The following RTN1 variants were observed in gnomAD, a reference collection of about 807,000 sequenced individuals.
RTN1 encodes the protein reticulon 1, also known as reticulon-1.
RTN1 carries 25 observed loss-of-function variants against 65.5 expected under a neutral mutation model. The observed-to-expected ratio is 0.38, with a 90% CI of 0.28 to 0.53. The LOEUF is 0.53. Ranked by LOEUF, RTN1 falls within the 20% of genes least tolerant of loss-of-function variation. The pLI is 0.79. For synonymous variants in RTN1, 471 were observed against 447.6 expected (o/e 1.05, Z -0.66); for missense variants, 983 against 1,025.4 (o/e 0.96, Z 0.57).
rs563527281 is a variant in RTN1 at position 59,742,364 on chromosome 14, T to G, written c.1015+3344A>C. On this transcript the variant is annotated intron_variant, in intron 2 of 8. Coordinates refer to ENST00000267484, the MANE Select transcript of RTN1 (RefSeq NM_021136.3). Reference sequence around the variant, plus strand: ...AACAACATGGTGCTCCTGGTCAATGTCTGGGGCATCAGGGCATTTATTATG... The same window carrying G: ...AACAACATGGTGCTCCTGGTCAATGGCTGGGGCATCAGGGCATTTATTATG... Among the ~76,000 whole-genome samples the G allele has an allele frequency of 2.0e-5, 3 of 152,300 alleles. No individual in the cohort carries two copies. The South Asian group carries it at 6.2e-4, about 32-fold the overall frequency.
intron 1 of RTN1, among the ~76,000 whole-genome samples, chr14:59,758,316 A>C (rs1885680616): frequency 6.6e-6 from 1 of 151,904 alleles, no homozygotes; most frequent in African/African-American, 2.4e-5. Flanking sequence ...CAGCACTATT[A>C]CCATGTCACT....
chr14:59,651,175 T>C (rs1343131984), intron 3 of RTN1, among the ~76,000 whole-genome samples: 1 of 152,018 alleles, frequency 6.6e-6, no homozygotes, highest in South Asian at 2.1e-4. Context: ...ATGGTCCTGG[T>C]ACAAAAACAG....
At chr14:59,840,637 T>C (rs1887293819) in intron 1 of RTN1, among the ~76,000 whole-genome samples, 1 of 152,212 alleles carries the variant, frequency 6.6e-6, no homozygotes, top group Admixed American at 6.5e-5. Flanking sequence ...GTATAATAAT[T>C]CCAAAACTAA....
chr14:59,801,779 T>G (rs560949567), intron 1 of RTN1, among the ~76,000 whole-genome samples: 3 of 152,352 alleles, frequency 2.0e-5, no homozygotes, highest in Admixed American at 6.5e-5. Flanking sequence ...GAGAGATATA[T>G]TATTAGAAGA....
intron 3 of RTN1, among the ~76,000 whole-genome samples, chr14:59,636,414 C>T (rs1026804882): frequency 1.6e-4 from 25 of 152,296 alleles, no homozygotes; most frequent in Admixed American, 9.1e-4. Flanking sequence ...CACCTTCTGC[C>T]ATGATTGTAA....
rs148507292 is a variant in RTN1, at chr14:59,764,416, G to C, written c.242-17935C>G. Reference sequence around the variant, plus strand: ...GCTCACTGCAACCTCCGCCTCCTAGGTTCAAGCAGTTCTCCTGCCTCAGCC... The same window carrying C: ...GCTCACTGCAACCTCCGCCTCCTAGCTTCAAGCAGTTCTCCTGCCTCAGCC... On this transcript the variant is annotated intron_variant, in intron 1 of 8. Transcript: ENST00000267484. Among the ~76,000 whole-genome samples, 449 of 152,090 alleles carry C rather than the reference G, an allele frequency of 3.0e-3. 13 individuals carry two copies. In the East Asian group the frequency reaches 0.04, roughly 13 times the overall value.
At position 59,819,458 on chromosome 14, in the gene RTN1, C is replaced by T. The variant is rs372098522; in HGVS notation, c.241+50932G>A. On this transcript the variant is annotated intron_variant, in intron 1 of 8. Coordinates refer to ENST00000267484, the MANE Select transcript of RTN1 (RefSeq NM_021136.3). The stretch of plus-strand genomic sequence containing the variant: ...CCCCCCCCCCCCGGCCACAGCTAGA[C>T]ACAGAGTACAATCCTCCAGCTAGAC... Among the ~76,000 whole-genome samples, 4 of 123,728 alleles carry T rather than the reference C, an allele frequency of 3.2e-5. No homozygotes were observed. In the East Asian group the frequency reaches 1.1e-3, roughly 33 times the overall value. The allele number at this position is 123,728 out of a possible 152,430, so 81.2% of individuals were successfully genotyped here. A position where few individuals can be genotyped will look rare whatever the true frequency, so the allele number is the denominator to read the frequency against.
At chr14:59,807,254 T>C (rs1333041311) in intron 1 of RTN1, among the ~76,000 whole-genome samples, 1 of 152,184 alleles carries the variant, frequency 6.6e-6, no homozygotes, top group African/African-American at 2.4e-5. Flanking sequence ...GCATTCTACC[T>C]ACTATAGCCA....
At chr14:59,860,911 T>A (rs1887697354) in intron 1 of RTN1, among the ~76,000 whole-genome samples, 1 of 152,228 alleles carries the variant, frequency 6.6e-6, no homozygotes, top group Non-Finnish European at 1.5e-5. Context: ...ATTTACCCAA[T>A]GCCTGTACCC....
At chr14:59,819,045 T>C (rs548294531) in intron 1 of RTN1, among the ~76,000 whole-genome samples, 76 of 151,938 alleles carry the variant, frequency 5.0e-4, no homozygotes, top group African/African-American at 1.8e-3. Flanking sequence ...TCGCAGTGAG[T>C]GTTACAGTTC....
intron 1 of RTN1, among the ~76,000 whole-genome samples, chr14:59,796,239 T>C (rs1430839968): frequency 6.6e-6 from 1 of 152,190 alleles, no homozygotes; most frequent in Non-Finnish European, 1.5e-5. Context: ...CTAGGAGCAA[T>C]AGGCTATGTC....
intron 1 of RTN1, among the ~76,000 whole-genome samples, chr14:59,856,495 T>C (rs1003358047): frequency 1.3e-5 from 2 of 152,146 alleles, no homozygotes; most frequent in Non-Finnish European, 2.9e-5. Flanking sequence ...AGAATCAGAA[T>C]AGATTCCATC....
At chr14:59,661,930 G>A (rs966188400) in intron 3 of RTN1, among the ~76,000 whole-genome samples, 4 of 152,068 alleles carry the variant, frequency 2.6e-5, no homozygotes, top group South Asian at 2.1e-4. Flanking sequence ...GAAATAAAGC[G>A]TATTCAATTA....
chr14:59,748,040 A>G (rs2139512092), intron 1 of RTN1, among the ~76,000 whole-genome samples: 1 of 152,278 alleles, frequency 6.6e-6, no homozygotes, highest in Admixed American at 6.5e-5. Flanking sequence ...AAGGTTGGCA[A>G]TATTGTTAGG....
chr14:59,608,771 G>A (rs1881846917), intron 3 of RTN1, among the ~76,000 whole-genome samples: 4 of 152,246 alleles, frequency 2.6e-5, no homozygotes, highest in Non-Finnish European at 5.9e-5. Flanking sequence ...GGCAAAATTT[G>A]TTCCCTTTCC....
chr14:59,652,602 C>A (rs988271430), intron 3 of RTN1, among the ~76,000 whole-genome samples: 1 of 152,044 alleles, frequency 6.6e-6, no homozygotes, highest in African/African-American at 2.4e-5. Context: ...ACCATATGTT[C>A]TTACTTTTAA....
intron 1 of RTN1, among the ~76,000 whole-genome samples, chr14:59,783,243 C>A (rs112450790): frequency 1.3e-5 from 2 of 152,162 alleles, no homozygotes; most frequent in African/African-American, 4.8e-5. Flanking sequence ...CCAGTTTCCA[C>A]TGTATGTGCA....
At chr14:59,617,314 A>G (rs769077472) in intron 3 of RTN1, among the ~76,000 whole-genome samples, 9 of 152,204 alleles carry the variant, frequency 5.9e-5, no homozygotes, top group Non-Finnish European at 7.3e-5. Context: ...ACCTCAAGAG[A>G]AGAGGAATTT....
intron 1 of RTN1, among the ~76,000 whole-genome samples, chr14:59,770,926 A>T (rs1161927445): frequency 1.3e-5 from 2 of 152,134 alleles, no homozygotes; most frequent in African/African-American, 4.8e-5. Flanking sequence ...CGGTGTCTGC[A>T]ATCCCAGCTA....
Sources: gnomAD v4.1 joint callset for allele counts (sites outside exome capture counted in the v4.1 genomes callset) on GRCh38, gnomAD v4.1.1 for gene constraint, MANE v1.5 for transcripts, NCBI Gene and HGNC (gene_info 2026-07-23, HGNC 2026-07-21) for gene names.